KHDRBS2: variants seen among roughly 807,000 people sequenced by gnomAD.
KHDRBS2 encodes the protein KH domain-containing, RNA-binding, signal transduction-associated protein 2.
KHDRBS2 carries 26 observed loss-of-function variants against 44.3 expected under a neutral mutation model. The ratio of observed to expected loss-of-function variants is 0.59; its 90% CI spans 0.43 to 0.81. The LOEUF is 0.81. KHDRBS2 is among the 40% of genes least tolerant of loss of function. The probability of loss-of-function intolerance (pLI) is 0.00; values close to 1 mark genes in which losing one functional copy is unlikely to be tolerated. For missense variants in KHDRBS2, 476 were observed against 433.1 expected (o/e 1.10, Z -0.88); for synonymous variants, 194 against 151.1 (o/e 1.28, Z -2.08).
chr6:61,640,079 G>T, the KHDRBS2 span, among the ~76,000 whole-genome samples: 4 of 152,004 alleles, frequency 2.6e-5, no homozygotes, highest in South Asian at 6.2e-4. Flanking sequence ...TATGAGAAAG[G>T]CATGCTCATT....
the KHDRBS2 span, among the ~76,000 whole-genome samples, chr6:61,559,103 T>G: frequency 1.3e-5 from 2 of 152,142 alleles, no homozygotes; most frequent in Non-Finnish European, 1.5e-5. Context: ...GCTGCAGTGT[T>G]GGATGCATAT....
Position 61,945,150 on chromosome 6 carries a change from T to TATATATATACACAC in KHDRBS2, c.483+32915_483+32916insGTGTGTATATATAT, listed in dbSNP as rs371595813. Among the ~76,000 whole-genome samples the TATATATATACACAC allele has an allele frequency of 9.1e-3, 793 of 86,904 alleles. 78 individuals carry two copies. Among genetic ancestry groups the TATATATATACACAC allele is most frequent in the Non-Finnish European group, 0.012 (527 of 43,494 alleles). 57.0% of individuals were successfully genotyped at this position (86,904 alleles called of 152,430 possible). Reference sequence around the variant, plus strand: ...ATATATATATATATATATATATATATACACACAGACTTGTCTTGATAAAGT... The same window carrying TATATATATACACAC: ...ATATATATATATATATATATATATATATATATATACACACACACACAGACTTGTCTTGATAAAGT... On this transcript the variant is annotated intron_variant, in intron 4 of 8. Transcript: ENST00000281156.
chr6:62,089,772 G>A (rs763133510), intron 2 of KHDRBS2, among the ~76,000 whole-genome samples: 4 of 152,068 alleles, frequency 2.6e-5, no homozygotes, highest in African/African-American at 7.2e-5. Flanking sequence ...TATTTGTTTT[G>A]TGTTGTTTTC....
intron 3 of KHDRBS2, among the ~76,000 whole-genome samples, chr6:61,983,342 C>T (rs1459620597): frequency 2.1e-4 from 32 of 149,600 alleles, no homozygotes; most frequent in Non-Finnish European, 4.4e-4. Flanking sequence ...TCCCAGAGTG[C>T]TGGGATTATA....
intron 2 of KHDRBS2, among the ~76,000 whole-genome samples, chr6:62,070,151 G>T (rs1365291788): frequency 1.4e-4 from 21 of 151,548 alleles, no homozygotes; most frequent in Non-Finnish European, 1.0e-4. Flanking sequence ...TCCCTGAGAG[G>T]TCCCTCTTTG....
the KHDRBS2 span, among the ~76,000 whole-genome samples, chr6:61,558,328 G>A: frequency 6.6e-6 from 1 of 152,110 alleles, no homozygotes; most frequent in Non-Finnish European, 1.5e-5. Flanking sequence ...TTGGGAAGCT[G>A]AGGTAGGTGT....
At chr6:61,561,130 G>T in the KHDRBS2 span, among the ~76,000 whole-genome samples, 3 of 152,120 alleles carry the variant, frequency 2.0e-5, no homozygotes, top group Admixed American at 6.5e-5. Flanking sequence ...GAATTCTCTG[G>T]ATTACCAATT....
Position 62,162,966 on chromosome 6 carries a change from A to T in KHDRBS2, c.219+14219T>A, listed in dbSNP as rs139460748. On this transcript the variant is annotated intron_variant, in intron 2 of 8. Coordinates refer to ENST00000281156, the MANE Select transcript of KHDRBS2 (RefSeq NM_152688.4). Reference sequence around the variant, plus strand: ...TTGAATCTGAGATATCTAGATATCCATATGTTGATGTCAAGTGGGCAGTTT... The same window carrying T: ...TTGAATCTGAGATATCTAGATATCCTTATGTTGATGTCAAGTGGGCAGTTT... Among the ~76,000 whole-genome samples the T allele has an allele frequency of 2.5e-3, 383 of 152,150 alleles. 3 individuals carry two copies. The highest frequency in any genetic ancestry group is 8.5e-3 in the African/African-American group (351 of 41,538).
chr6:61,719,272 T>C (rs1343165973), intron 7 of KHDRBS2, among the ~76,000 whole-genome samples: 2 of 152,186 alleles, frequency 1.3e-5, no homozygotes, highest in Non-Finnish European at 2.9e-5. Flanking sequence ...TCTTTTGGCT[T>C]TTATTTGCAA....
At chr6:61,628,329 A>C in the KHDRBS2 span, among the ~76,000 whole-genome samples, 1 of 138,132 alleles carries the variant, frequency 7.2e-6, no homozygotes. Flanking sequence ...TCTTCCTCAC[A>C]CTCTCTTCAA....
chr6:61,799,889 TG>T (rs1457568761), intron 6 of KHDRBS2, among the ~76,000 whole-genome samples: 1 of 152,032 alleles, frequency 6.6e-6, no homozygotes, highest in Non-Finnish European at 1.5e-5. Flanking sequence ...TGTATAAAAG[TG>T]ATGAAGTAGT....
chr6:62,234,703 A>G (rs143991214), intron 1 of KHDRBS2, among the ~76,000 whole-genome samples: 4,508 of 152,130 alleles, frequency 0.03, 103 homozygotes, highest in Middle Eastern at 0.078. Context: ...TGACTACCTC[A>G]TTACTTGACT....
intron 4 of KHDRBS2, among the ~76,000 whole-genome samples, chr6:61,933,378 C>G (rs1810448894): frequency 6.6e-6 from 1 of 151,750 alleles, no homozygotes; most frequent in African/African-American, 2.4e-5. Context: ...AGACACATAG[C>G]TTGATTGTAT....
At chr6:62,100,291 T>A (rs1272043574) in intron 2 of KHDRBS2, among the ~76,000 whole-genome samples, 2 of 152,192 alleles carry the variant, frequency 1.3e-5, no homozygotes, top group African/African-American at 4.8e-5. Flanking sequence ...TTTTATAAAT[T>A]AGCAAAGAAA....
chr6:61,940,714 T>G (rs1155038), intron 4 of KHDRBS2, among the ~76,000 whole-genome samples: 60,179 of 151,938 alleles, frequency 0.4, 12,080 homozygotes, highest in East Asian at 0.48. Flanking sequence ...TGAGATGCAA[T>G]ATAAGAGTGG....
chr6:61,785,136 T>A (rs78507898), intron 6 of KHDRBS2, among the ~76,000 whole-genome samples: 10,014 of 148,958 alleles, frequency 0.067, 413 homozygotes, highest in Middle Eastern at 0.13. Flanking sequence ...GGCGAGAGAG[T>A]GAGACCTTGT....
chr6:62,066,831 T>A (rs1793844887), intron 2 of KHDRBS2, among the ~76,000 whole-genome samples: 1 of 151,638 alleles, frequency 6.6e-6, no homozygotes, highest in Non-Finnish European at 1.5e-5. Context: ...TAACTGCTTT[T>A]TTGTCCTGGA....
chr6:61,672,972 G>A, the KHDRBS2 span, among the ~76,000 whole-genome samples: 3 of 151,840 alleles, frequency 2.0e-5, no homozygotes, highest in Admixed American at 1.3e-4. Context: ...GGGTTTTTAT[G>A]GTTTTAGGTC....
intron 3 of KHDRBS2, among the ~76,000 whole-genome samples, chr6:61,990,690 C>T (rs1775962507): frequency 6.6e-6 from 1 of 151,142 alleles, no homozygotes. Flanking sequence ...AGAAACAGTA[C>T]CTAGCATTGG....
Sources: allele counts gnomAD v4.1 joint callset (sites outside exome capture counted in the v4.1 genomes callset), GRCh38; gene constraint gnomAD v4.1.1; transcripts MANE v1.5; gene names NCBI Gene and HGNC (gene_info 2026-07-23, HGNC 2026-07-21).